TCF4: variants seen among roughly 807,000 people sequenced by gnomAD.
The protein encoded by TCF4 is SL3-3 enhancer factor 2.
A neutral mutation model predicts 82.1 loss-of-function variants in TCF4; 3 were observed. The observed-to-expected ratio is 0.04, with a 90% CI of 0.02 to 0.09. The LOEUF is 0.09. Ranked by LOEUF, TCF4 falls within the 10% of genes least tolerant of loss-of-function variation. The pLI, the probability that TCF4 is intolerant of heterozygous loss-of-function variation, is 1.00. For synonymous variants in TCF4, 276 were observed against 309.6 expected (o/e 0.89, Z 1.14); for missense variants, 518 against 852.7 (o/e 0.61, Z 4.89).
At chr18:55,418,692 A>T (rs187188004) in intron 5 of TCF4, among the ~76,000 whole-genome samples, 1 of 152,324 alleles carries the variant, frequency 6.6e-6, no homozygotes, top group African/African-American at 2.4e-5. Context: ...ATGAAAGAGA[A>T]GAGTCACATC....
chr18:55,298,026 C>T lies in TCF4; in HGVS notation c.550-18370G>A, dbSNP rs557879822. The stretch of plus-strand genomic sequence containing the variant: ...TCAGATTTTAATAGTAGTGGACAGT[C>T]TTTTTTTTAAAGGTGCTGTATATAA... On this transcript the variant is annotated intron_variant, in intron 8 of 19. Transcript: ENST00000354452. Among the ~76,000 whole-genome samples the T allele has an allele frequency of 1.1e-3, 161 of 152,026 alleles. 2 individuals are homozygous for T. Among genetic ancestry groups the T allele is most frequent in the African/African-American group, 3.5e-3 (146 of 41,486 alleles).
upstream of TCF4, chr18:55,588,286 A>T (rs2097672442): frequency 7.0e-7 from 1 of 1,436,186 alleles, no homozygotes; most frequent in African/African-American, 1.5e-5. Flanking sequence ...AAACACGCCG[A>T]GGCGCACGGA....
In TCF4 at chr18:55,261,454, A is replaced by T. The variant is rs144346949; in HGVS notation, c.990+12T>A. ...ATGGTACATATGGAGTCCAAAGTCA[A>T]TATTTCCTCACCGAAGCAAGTGCTT... is the stretch of plus-strand genomic sequence containing the variant. On this transcript the variant is annotated intron_variant, in intron 12 of 19. Transcript: ENST00000354452. 52 of 1,613,740 alleles carry T rather than the reference A, an allele frequency of 3.2e-5. No individual in the cohort carries two copies. The highest frequency in any genetic ancestry group is 4.4e-5 in the Non-Finnish European group (52 of 1,179,786).
chr18:55,354,457 C>G (rs1397929492), intron 6 of TCF4, among the ~76,000 whole-genome samples: 1 of 152,180 alleles, frequency 6.6e-6, no homozygotes, highest in Non-Finnish European at 1.5e-5. Flanking sequence ...CTTGATCAAC[C>G]ACTGAACTTT....
chr18:55,495,675 C>T (rs1402795189), intron 3 of TCF4: 2 of 151,998 alleles, frequency 1.3e-5, no homozygotes, highest in Non-Finnish European at 2.9e-5. Flanking sequence ...AATATCAACA[C>T]AGAAAAATAC....
At chr18:55,375,386 G>A (rs2082956316) in intron 6 of TCF4, among the ~76,000 whole-genome samples, 1 of 151,930 alleles carries the variant, frequency 6.6e-6, no homozygotes, top group African/African-American at 2.4e-5. Context: ...TTTAAGAAGT[G>A]GTGGATCATA....
At chr18:55,548,425 G>A (rs1400435233) in intron 3 of TCF4, among the ~76,000 whole-genome samples, 2 of 152,044 alleles carry the variant, frequency 1.3e-5, no homozygotes, top group Non-Finnish European at 2.9e-5. Context: ...AATAAATTTT[G>A]ACCCCAAATG....
rs974052153 is a variant in TCF4 at position 55,406,109 on chromosome 18, G to A, written c.305-2591C>T. 2.0e-5 allele frequency among the ~76,000 whole-genome samples: 3 copies of A among 148,916 alleles called. No individual in the cohort carries two copies. In the East Asian group the frequency reaches 6.0e-4, roughly 30 times the overall value. ...TACCAAAGAGGCAGCACAGCCAGCA[G>A]GAGGCTGGGAGGTGGACTTTTTTTT... On this transcript the variant is annotated intron_variant, in intron 5 of 19. Transcript: ENST00000354452.
chr18:55,222,621 C>G lies in TCF4; in HGVS notation c.*5414G>C, dbSNP rs879658844. 1 of 152,594 alleles carries G rather than the reference C, an allele frequency of 6.6e-6. No homozygotes were observed. Among genetic ancestry groups the G allele is most frequent in the Non-Finnish European group, 1.5e-5 (1 of 68,038 alleles). The allele number at this position is 152,594 out of a possible 1,614,324, so 9.5% of individuals were successfully genotyped here. ...GCAATATTGGAGACATCCCCAAATACCACGTACTTGATTAGAACATTCTGT... is the reference window on the plus strand; with the variant it reads ...GCAATATTGGAGACATCCCCAAATAGCACGTACTTGATTAGAACATTCTGT... On this transcript the variant is annotated 3_prime_UTR_variant, in exon 20 of 20. Transcript: ENST00000354452.
intron 8 of TCF4, among the ~76,000 whole-genome samples, chr18:55,346,108 C>T (rs1425912707): frequency 6.6e-6 from 1 of 152,026 alleles, no homozygotes; most frequent in Non-Finnish European, 1.5e-5. Flanking sequence ...TTTTATATAA[C>T]ACAAAATACA....
At chr18:55,479,240 C>G (rs1233088462) in intron 3 of TCF4, 1 of 153,088 alleles carries the variant, frequency 6.5e-6, no homozygotes, top group African/African-American at 2.4e-5. Flanking sequence ...CATCAGCAGT[C>G]CAATGAAGAC....
At chr18:55,540,003 T>C (rs1267304516) in intron 3 of TCF4, among the ~76,000 whole-genome samples, 1 of 151,786 alleles carries the variant, frequency 6.6e-6, no homozygotes, top group Non-Finnish European at 1.5e-5. Flanking sequence ...AAACAGACTA[T>C]GGTCCTCAGA....
chr18:55,455,527 T>C (rs939181328), intron 5 of TCF4, among the ~76,000 whole-genome samples: 3 of 144,678 alleles, frequency 2.1e-5, no homozygotes, highest in Non-Finnish European at 4.5e-5. Flanking sequence ...AAGGTGTTAT[T>C]GGAAAAAAAA....
At chr18:55,553,728 C>T (rs1190400806) in intron 3 of TCF4, among the ~76,000 whole-genome samples, 3 of 152,060 alleles carry the variant, frequency 2.0e-5, no homozygotes, top group Non-Finnish European at 2.9e-5. Flanking sequence ...GTGAAGGTAG[C>T]GGCTGCTATA....
chr18:55,426,766 T>C lies in TCF4; in HGVS notation c.305-23248A>G, dbSNP rs979874879. ...ATGCACAAATTAAACACTACCAGTA[T>C]TTTATAAAATAAATATGTACTTCTA... On this transcript the variant is annotated intron_variant, in intron 5 of 19. Transcript: ENST00000354452. 5.9e-5 allele frequency among the ~76,000 whole-genome samples: 9 copies of C among 152,018 alleles called. No homozygotes were observed. In the South Asian group the frequency reaches 1.7e-3, roughly 28 times the overall value.
At chr18:55,233,868 G>C (rs1015564706) in intron 16 of TCF4, among the ~76,000 whole-genome samples, 2 of 151,452 alleles carry the variant, frequency 1.3e-5, no homozygotes, top group African/African-American at 4.9e-5. Flanking sequence ...ATAAAAAATG[G>C]GCAGACATAC....
intron 8 of TCF4, among the ~76,000 whole-genome samples, chr18:55,348,612 G>C (rs994157326): frequency 3.3e-5 from 5 of 152,048 alleles, no homozygotes; most frequent in African/African-American, 1.2e-4. Context: ...TTTTCTAAAG[G>C]GGCCAGTTAG....
chr18:55,537,945 G>A (rs920237525), intron 3 of TCF4, among the ~76,000 whole-genome samples: 1 of 152,026 alleles, frequency 6.6e-6, no homozygotes, highest in African/African-American at 2.4e-5. Flanking sequence ...TACATGGTGA[G>A]TGACCCAGGC....
At position 55,269,655 on chromosome 18, in the gene TCF4, G is replaced by A. The variant is rs1461899008; in HGVS notation, c.922+176C>T. 1.6e-5 allele frequency: 13 copies of A among 837,282 alleles called. No individual in the cohort carries two copies. In the East Asian group the frequency reaches 3.5e-4, roughly 23 times the overall value. 51.9% of individuals were successfully genotyped at this position (837,282 alleles called of 1,614,324 possible). A position where few individuals can be genotyped will look rare whatever the true frequency, so the allele number is the denominator to read the frequency against. ...TTCAGTGTCTTGTGACGAAAAATATGGTTATGCTCAAGCCAGTGATTTTAC... is the reference window on the plus strand; with the variant it reads ...TTCAGTGTCTTGTGACGAAAAATATAGTTATGCTCAAGCCAGTGATTTTAC... On this transcript the variant is annotated intron_variant, in intron 11 of 19. Transcript: ENST00000354452.
Sources: allele counts gnomAD v4.1 joint callset (sites outside exome capture counted in the v4.1 genomes callset), GRCh38; gene constraint gnomAD v4.1.1; transcripts MANE v1.5; gene names NCBI Gene and HGNC (gene_info 2026-07-23, HGNC 2026-07-21).